ATE1: variants seen among roughly 807,000 people sequenced by gnomAD.
The protein encoded by ATE1 is arginyl-tRNA--protein transferase 1.
In ATE1, 36 loss-of-function variants were observed where a neutral mutation model predicts 70.5. That is an observed-to-expected ratio of 0.51 (90% confidence interval 0.39 to 0.67). The LOEUF is 0.67. Ranked by LOEUF, ATE1 falls within the 30% of genes least tolerant of loss-of-function variation. The probability of loss-of-function intolerance (pLI) is 0.00; values close to 1 mark genes in which losing one functional copy is unlikely to be tolerated. For missense variants in ATE1, 593 were observed against 629.5 expected, an observed-to-expected ratio of 0.94 and a Z score of 0.62; for synonymous variants, 232 against 219.3, an observed-to-expected ratio of 1.06 and a Z score of -0.51.
At chr10:121,920,281 T>C (rs1216282389) in intron 3 of ATE1, among the ~76,000 whole-genome samples, 1 of 151,060 alleles carries the variant, frequency 6.6e-6, no homozygotes, top group Non-Finnish European at 1.5e-5. Flanking sequence ...AGCCTAGAAG[T>C]TGGAGATCAG....
At chr10:121,895,206 C>G (rs1393246420) in intron 7 of ATE1, among the ~76,000 whole-genome samples, 1 of 152,194 alleles carries the variant, frequency 6.6e-6, no homozygotes, top group South Asian at 2.1e-4. Flanking sequence ...TGAGTTACCA[C>G]GTGACCCAGT....
chr10:121,901,482 T>C (rs183076206), intron 6 of ATE1, among the ~76,000 whole-genome samples: 1 of 152,210 alleles, frequency 6.6e-6, no homozygotes, highest in South Asian at 2.1e-4. Context: ...TTTGAGACAG[T>C]CTTTTGCTCT....
Position 121,761,986 on chromosome 10 carries a change from A to G in ATE1, c.1379-18128T>C, listed in dbSNP as rs966188760. Among the ~76,000 whole-genome samples the G allele has an allele frequency of 5.3e-5, 8 of 151,928 alleles. 1 individual carries two copies. Among genetic ancestry groups the G allele is most frequent in the African/African-American group, 1.9e-4 (8 of 41,328 alleles). On this transcript the variant is annotated intron_variant, in intron 11 of 11. Coordinates refer to ENST00000224652, the MANE Select transcript of ATE1 (RefSeq NM_001001976.3). ...GCATTTACTTAATGGCCATTCCCTC[A>G]TCTCCCACTCACTCTACAATCTATT...
chr10:121,767,567 A>G (rs975962446), intron 11 of ATE1, among the ~76,000 whole-genome samples: 2 of 152,236 alleles, frequency 1.3e-5, no homozygotes, highest in Admixed American at 6.5e-5. Context: ...AACTAGCTGC[A>G]TTGCAATCAC....
At chr10:121,913,137 C>T (rs143338712) in intron 4 of ATE1, among the ~76,000 whole-genome samples, 1 of 152,284 alleles carries the variant, frequency 6.6e-6, no homozygotes, top group East Asian at 1.9e-4. Flanking sequence ...CCTCGGCCTC[C>T]CAAGGTGCTG....
intron 10 of ATE1, among the ~76,000 whole-genome samples, chr10:121,797,548 G>A (rs904719908): frequency 6.7e-6 from 1 of 148,990 alleles, no homozygotes; most frequent in Non-Finnish European, 1.5e-5. Flanking sequence ...TTTAAAAATA[G>A]AATATTTCCT....
rs191890378 is a variant in ATE1 at position 121,756,278 on chromosome 10, C to T, written c.1379-12420G>A. On this transcript the variant is annotated intron_variant, in intron 11 of 11. Coordinates refer to ENST00000224652, the MANE Select transcript of ATE1 (RefSeq NM_001001976.3). ...GGGTTCCCATGGTCTTGGGCAGCTC[C>T]GCCCCTGTGGCTTTTCAGGGTATAG... Among the ~76,000 whole-genome samples the T allele has an allele frequency of 3.9e-5, 6 of 152,320 alleles. No individual in the cohort carries two copies. The East Asian group carries it at 7.7e-4, about 20-fold the overall frequency.
At chr10:121,901,197 G>A (rs1348709540) in intron 6 of ATE1, among the ~76,000 whole-genome samples, 2 of 151,892 alleles carry the variant, frequency 1.3e-5, no homozygotes, top group Non-Finnish European at 2.9e-5. Context: ...AACCCAGGAG[G>A]CAGAGGTTGC....
At chr10:121,910,102 C>T (rs1951360392) in intron 5 of ATE1, among the ~76,000 whole-genome samples, 1 of 152,042 alleles carries the variant, frequency 6.6e-6, no homozygotes, top group South Asian at 2.1e-4. Context: ...AAATCTCAGA[C>T]CAAAATCAAC....
At chr10:121,875,311 T>G (rs1326510952) in intron 7 of ATE1, among the ~76,000 whole-genome samples, 2 of 143,414 alleles carry the variant, frequency 1.4e-5, no homozygotes, top group Non-Finnish European at 3.1e-5. Context: ...TTTTTTTGTT[T>G]TTTTTTTTTT....
intron 3 of ATE1, among the ~76,000 whole-genome samples, chr10:121,914,488 T>G (rs1951564093): frequency 6.6e-6 from 1 of 151,938 alleles, no homozygotes; most frequent in Non-Finnish European, 1.5e-5. Flanking sequence ...CCAAAGAAAG[T>G]TGAATCCTAG....
Position 121,741,499 on chromosome 10 carries a change from GA to G in ATE1, c.*2180del, listed in dbSNP as rs764831739. ...CCTCTGAAAATGAATTCTGCAGGAAGAAACCAGAGTTGTGGTAAGATGTTGG... is the reference window on the plus strand; with the variant it reads ...CCTCTGAAAATGAATTCTGCAGGAAGAACCAGAGTTGTGGTAAGATGTTGG... On this transcript the variant is annotated 3_prime_UTR_variant, in exon 12 of 12. Transcript: ENST00000224652. 4 of 152,230 alleles carry G rather than the reference GA, an allele frequency of 2.6e-5. No individual in the cohort carries two copies. Among genetic ancestry groups the G allele is most frequent in the Non-Finnish European group, 5.9e-5 (4 of 68,046 alleles). The allele number at this position is 152,230 out of a possible 1,614,324, so 9.4% of individuals were successfully genotyped here.
chr10:121,899,642 CAT>C (rs1442587758), intron 7 of ATE1, among the ~76,000 whole-genome samples: 4 of 152,124 alleles, frequency 2.6e-5, no homozygotes, highest in African/African-American at 9.7e-5. Context: ...AATAATTTTA[CAT>C]GTTACTTTGA....
chr10:121,893,203 G>A (rs549495912), intron 7 of ATE1, among the ~76,000 whole-genome samples: 7 of 151,688 alleles, frequency 4.6e-5, no homozygotes, highest in Admixed American at 2.0e-4. Flanking sequence ...CTTAAATCCG[G>A]GAGGCAGAGG....
intron 11 of ATE1, among the ~76,000 whole-genome samples, chr10:121,744,844 A>G (rs1008166957): frequency 1.3e-5 from 2 of 152,210 alleles, no homozygotes; most frequent in East Asian, 3.9e-4. Flanking sequence ...AATGGGATAC[A>G]AGTGGAAGTG....
intron 10 of ATE1, among the ~76,000 whole-genome samples, chr10:121,805,813 A>G (rs1041073389): frequency 6.6e-6 from 1 of 152,238 alleles, no homozygotes; most frequent in Non-Finnish European, 1.5e-5. Flanking sequence ...CAAGATATTC[A>G]GTCTCCAAGT....
intron 11 of ATE1, among the ~76,000 whole-genome samples, chr10:121,758,810 A>G (rs7075589): frequency 8.5e-4 from 129 of 152,266 alleles, no homozygotes; most frequent in African/African-American, 3.0e-3. Context: ...ATGGTGATCT[A>G]TGATCAGTAA....
rs894631326 is a variant in ATE1, at chr10:121,803,171, G to A, written c.1258-12882C>T. Reference sequence around the variant, plus strand: ...TCAAACTTGGAGTTTCCTAAGAGCTGGGAGTACATCAATTTCTTTACGTTC... The same window carrying A: ...TCAAACTTGGAGTTTCCTAAGAGCTAGGAGTACATCAATTTCTTTACGTTC... On this transcript the variant is annotated intron_variant, in intron 10 of 11. Coordinates refer to ENST00000224652, the MANE Select transcript of ATE1 (RefSeq NM_001001976.3). Among the ~76,000 whole-genome samples the A allele has an allele frequency of 2.6e-5, 4 of 152,048 alleles. No individual in the cohort carries two copies. The East Asian group carries it at 7.7e-4, about 29-fold the overall frequency.
At chr10:121,820,653 T>A (rs1312528144) in intron 10 of ATE1, among the ~76,000 whole-genome samples, 5 of 152,216 alleles carry the variant, frequency 3.3e-5, no homozygotes, top group Non-Finnish European at 7.3e-5. Context: ...CTGGCTAATA[T>A]AATTCTACAG....
Sources: gnomAD v4.1 joint callset for allele counts (sites outside exome capture counted in the v4.1 genomes callset) on GRCh38, gnomAD v4.1.1 for gene constraint, MANE v1.5 for transcripts, NCBI Gene and HGNC (gene_info 2026-07-23, HGNC 2026-07-21) for gene names.